Variants in NFIB observed in about 807,000 individuals in gnomAD.
The protein encoded by NFIB is nuclear factor I B.
NFIB carries 11 observed loss-of-function variants against 61.5 expected under a neutral mutation model. The observed-to-expected ratio is 0.18, with a 90% CI of 0.11 to 0.30. The LOEUF (loss-of-function observed/expected upper bound fraction) is 0.30, where lower values mean the gene tolerates loss of function less well. NFIB is among the 10% of genes least tolerant of loss of function. The pLI is 1.00. For synonymous variants in NFIB, 260 were observed against 216.5 expected (o/e 1.20, Z -1.76); for missense variants, 471 against 608.9 (o/e 0.77, Z 2.38).
At chr9:14,126,715 G>T (rs761111152) in intron 6 of NFIB, among the ~76,000 whole-genome samples, 3 of 152,200 alleles carry the variant, frequency 2.0e-5, no homozygotes, top group Non-Finnish European at 4.4e-5. Context: ...CCTCATAGGA[G>T]AAACGCCATA....
chr9:14,257,721 A>C (rs1265574502), intron 2 of NFIB, among the ~76,000 whole-genome samples: 1 of 152,182 alleles, frequency 6.6e-6, no homozygotes, highest in Non-Finnish European at 1.5e-5. Context: ...GCTTCACAGC[A>C]CTTTAGCCTG....
the NFIB span, among the ~76,000 whole-genome samples, chr9:14,455,580 T>C: frequency 6.6e-6 from 1 of 152,044 alleles, no homozygotes; most frequent in South Asian, 2.1e-4. Flanking sequence ...TTAATGAAGA[T>C]GATGTTTAGG....
intron 9 of NFIB, among the ~76,000 whole-genome samples, chr9:14,113,284 T>TA (rs1369194767): frequency 6.6e-6 from 1 of 152,108 alleles, no homozygotes; most frequent in Non-Finnish European, 1.5e-5. Flanking sequence ...TTATTCCCCC[T>TA]AAAAAATCTA....
intron 1 of NFIB, chr9:14,322,451 C>T (rs2060685673): frequency 8.6e-6 from 2 of 231,352 alleles, no homozygotes; most frequent in East Asian, 1.2e-4. Context: ...CCTTCCCCGC[C>T]CTCGGATTGG....
chr9:14,148,569 C>G (rs1206514296), intron 5 of NFIB, among the ~76,000 whole-genome samples: 2 of 152,002 alleles, frequency 1.3e-5, no homozygotes, highest in African/African-American at 4.8e-5. Flanking sequence ...ATACATAAAC[C>G]AATCCCCTTG....
At position 14,086,866 on chromosome 9, in the gene NFIB, T is replaced by C. The variant is rs988147783; in HGVS notation, c.*1443A>G. 4.9e-6 allele frequency: 1 copy of C among 202,884 alleles called. No homozygotes were observed. The allele number at this position is 202,884 out of a possible 1,614,324, so 12.6% of individuals were successfully genotyped here. On this transcript the variant is annotated 3_prime_UTR_variant, in exon 11 of 11. Coordinates refer to ENST00000380953, the MANE Select transcript of NFIB (RefSeq NM_001190737.2). ...ATATCTTCGTGCAAATTAGGATTACTGGAAAGAGTATTTTTAATTAAAATT... is the reference window on the plus strand; with the variant it reads ...ATATCTTCGTGCAAATTAGGATTACCGGAAAGAGTATTTTTAATTAAAATT...
chr9:14,389,860 G>A (rs2061599164), intron 1 of NFIB, among the ~76,000 whole-genome samples: 1 of 152,178 alleles, frequency 6.6e-6, no homozygotes, highest in African/African-American at 2.4e-5. Flanking sequence ...CAGACACATT[G>A]AGTTGATATA....
At chr9:14,296,641 A>G (rs2059461190) in intron 2 of NFIB, among the ~76,000 whole-genome samples, 1 of 152,116 alleles carries the variant, frequency 6.6e-6, no homozygotes, top group African/African-American at 2.4e-5. Flanking sequence ...AGAAGTTGGC[A>G]CTCTGCCACC....
At chr9:14,462,579 G>A in the NFIB span, among the ~76,000 whole-genome samples, 1 of 152,156 alleles carries the variant, frequency 6.6e-6, no homozygotes, top group Admixed American at 6.5e-5. Flanking sequence ...ACCGTGCCCG[G>A]CCACCGTATG....
rs538788122 is a variant in NFIB at position 14,257,152 on chromosome 9, T to C, written c.562+49837A>G. Among the ~76,000 whole-genome samples the C allele has an allele frequency of 4.7e-4, 71 of 152,352 alleles. 1 individual carries two copies. The South Asian group carries it at 0.014, about 29-fold the overall frequency. On this transcript the variant is annotated intron_variant, in intron 2 of 10. Coordinates refer to ENST00000380953, the MANE Select transcript of NFIB (RefSeq NM_001190737.2). Reference sequence around the variant, plus strand: ...ACTAACTGTTTAACCTTGGTTAAGTTGGTTAACACAGAGGCTCAGGTTCCT... The same window carrying C: ...ACTAACTGTTTAACCTTGGTTAAGTCGGTTAACACAGAGGCTCAGGTTCCT...
chr9:14,113,099 A>T lies in NFIB; in HGVS notation c.1385-18T>A. 1 of 1,546,664 alleles carries T rather than the reference A, an allele frequency of 6.5e-7. No individual in the cohort carries two copies. The highest frequency in any genetic ancestry group is 2.0e-5 in the Admixed American group (1 of 50,480). ...TGTGTAGGCTGATTAAGGAAGAACA[A>T]AAACAAAGATAAAAATTGTGAACTA... On this transcript the variant is annotated intron_variant, in intron 9 of 10. Coordinates refer to ENST00000380953, the MANE Select transcript of NFIB (RefSeq NM_001190737.2).
intron 2 of NFIB, among the ~76,000 whole-genome samples, chr9:14,272,811 A>T (rs1438341426): frequency 6.6e-6 from 1 of 152,010 alleles, no homozygotes; most frequent in African/African-American, 2.4e-5. Flanking sequence ...TTAATATATT[A>T]TGAAAGCAAA....
At chr9:14,119,895 A>G (rs35621280) in intron 8 of NFIB, among the ~76,000 whole-genome samples, 28,420 of 152,108 alleles carry the variant, frequency 0.19, 2,948 homozygotes, top group South Asian at 0.37. Context: ...AATGTTTCCA[A>G]AAAAAAGAAA....
chr9:14,113,049 G>C lies in NFIB; in HGVS notation c.1417C>G (p.Arg473Gly). 6.5e-7 allele frequency: 1 copy of C among 1,550,240 alleles called. No individual in the cohort carries two copies. Among genetic ancestry groups the C allele is most frequent in the South Asian group, 1.2e-5 (1 of 84,028 alleles). Reference sequence around the variant, plus strand: ...TCTCTTGGGCTTAGTCCCACATATCGATTGGCTTGAGATGTGCCTGAGGCT... The same window carrying C: ...TCTCTTGGGCTTAGTCCCACATATCCATTGGCTTGAGATGTGCCTGAGGCT... ...YTASGTSQAN[R>G]YVGLSPRDPS... Residue 473 changes from arginine (R) to glycine (G), a missense_variant, in exon 10 of 11, where the codon CGA becomes GGA. This residue lies in a region of NFIB where 372 missense variants were observed against 395.6 expected (regional missense o/e 0.94). Transcript: ENST00000380953.
At position 14,348,373 on chromosome 9, in the gene NFIB, T is replaced by C. The variant is rs535293059; in HGVS notation, c.109-40853A>G. ...AAAGACCCCAAATTGGCTGTGAGTT[T>C]ACAGCCTGAAGCAGCTTATTTAGGC... On this transcript the variant is annotated intron_variant, in intron 1 of 8. Transcript: ENST00000380934. Among the ~76,000 whole-genome samples, 35 of 151,330 alleles carry C rather than the reference T, an allele frequency of 2.3e-4. No homozygotes were observed. In the South Asian group the frequency reaches 6.0e-3, roughly 26 times the overall value.
chr9:14,181,549 T>C lies in NFIB; in HGVS notation c.563-1769A>G, dbSNP rs562267304. Among the ~76,000 whole-genome samples, 9 of 152,314 alleles carry C rather than the reference T, an allele frequency of 5.9e-5. No homozygotes were observed. In the South Asian group the frequency reaches 1.7e-3, roughly 28 times the overall value. ...ACATTCCTTTAAAAAACTGGTACAATATGGGCCACTTTCCAGGCCTGGAGT... is the reference window on the plus strand; with the variant it reads ...ACATTCCTTTAAAAAACTGGTACAACATGGGCCACTTTCCAGGCCTGGAGT... On this transcript the variant is annotated intron_variant, in intron 2 of 10. Coordinates refer to ENST00000380953, the MANE Select transcript of NFIB (RefSeq NM_001190737.2).
chr9:14,332,206 G>A (rs1040933400), intron 1 of NFIB, among the ~76,000 whole-genome samples: 6 of 151,744 alleles, frequency 4.0e-5, no homozygotes, highest in African/African-American at 9.7e-5. Flanking sequence ...CGTGGTGGGC[G>A]CCTGTAATCC....
chr9:14,175,393 C>A (rs1306011649), intron 3 of NFIB, among the ~76,000 whole-genome samples: 2 of 151,932 alleles, frequency 1.3e-5, no homozygotes, highest in Non-Finnish European at 2.9e-5. Context: ...CCAGAATGGT[C>A]TCGATCTCCT....
chr9:14,372,292 A>G (rs1289120179), intron 1 of NFIB, among the ~76,000 whole-genome samples: 1 of 152,166 alleles, frequency 6.6e-6, no homozygotes, highest in African/African-American at 2.4e-5. Flanking sequence ...AACCAACCTA[A>G]AACTCTCTTC....
Sources: allele counts gnomAD v4.1 joint callset (sites outside exome capture counted in the v4.1 genomes callset), GRCh38; gene constraint gnomAD v4.1.1; regional missense constraint gnomAD v4.1.1; transcripts MANE v1.5; gene names NCBI Gene and HGNC (gene_info 2026-07-23, HGNC 2026-07-21).